Variants in ZFP64 observed in about 807,000 individuals in gnomAD.
The protein encoded by ZFP64 is zinc finger protein 64.
ZFP64 carries 14 observed loss-of-function variants against 51.6 expected under a neutral mutation model. The ratio of observed to expected loss-of-function variants is 0.27; its 90% confidence interval spans 0.18 to 0.42. The LOEUF (loss-of-function observed/expected upper bound fraction) is 0.42. Ranked by LOEUF, ZFP64 falls within the 10% of genes least tolerant of loss-of-function variation. ZFP64 has a pLI of 1.00. For missense variants in ZFP64, 754 were observed against 906.8 expected, an observed-to-expected ratio of 0.83 and a Z score of 2.16; for synonymous variants, 375 against 361.4, an observed-to-expected ratio of 1.04 and a Z score of -0.43.
intron 5 of ZFP64, among the ~76,000 whole-genome samples, chr20:52,131,375 A>G (rs1979715856): frequency 6.6e-6 from 1 of 152,226 alleles, no homozygotes; most frequent in Non-Finnish European, 1.5e-5. Context: ...TTACTTAACA[A>G]TAATATAACA....
chr20:52,123,901 G>A (rs1003337841), intron 5 of ZFP64, among the ~76,000 whole-genome samples: 1 of 151,842 alleles, frequency 6.6e-6, no homozygotes, highest in African/African-American at 2.4e-5. Flanking sequence ...GCAGAGTGTC[G>A]CTCTGTCACC....
chr20:52,166,190 G>A (rs1414893380), intron 2 of ZFP64, among the ~76,000 whole-genome samples, 165 bp from the exon 3 acceptor site: 1 of 148,908 alleles, frequency 6.7e-6, no homozygotes, highest in African/African-American at 2.5e-5. Context: ...TGAGACACTA[G>A]AGAGCATCCG....
chr20:52,127,809 T>G (rs1979519550), intron 5 of ZFP64, among the ~76,000 whole-genome samples: 2 of 152,224 alleles, frequency 1.3e-5, no homozygotes, highest in East Asian at 3.8e-4. Flanking sequence ...AACGTGATTT[T>G]CACTTATCCA....
At chr20:52,144,785 C>T (rs1481187440) in intron 5 of ZFP64, among the ~76,000 whole-genome samples, 2 of 151,482 alleles carry the variant, frequency 1.3e-5, no homozygotes, top group East Asian at 1.9e-4. Flanking sequence ...AGGTGGTGGA[C>T]CCCCAAATGC....
intron 2 of ZFP64, among the ~76,000 whole-genome samples, chr20:52,173,518 T>C (rs766046899): frequency 3.9e-4 from 60 of 152,258 alleles, no homozygotes; most frequent in Non-Finnish European, 7.6e-4. Context: ...AGCTCAGGAG[T>C]TCCAGGCTGC....
chr20:52,157,652 G>A (rs113962101), intron 5 of ZFP64, among the ~76,000 whole-genome samples: 11 of 152,076 alleles, frequency 7.2e-5, no homozygotes, highest in South Asian at 2.1e-4. Flanking sequence ...AATGCCTCCC[G>A]TTCTTCTATA....
chr20:52,171,015 T>C (rs895860874), intron 2 of ZFP64, among the ~76,000 whole-genome samples: 2 of 152,212 alleles, frequency 1.3e-5, no homozygotes, highest in Non-Finnish European at 1.5e-5. Flanking sequence ...AAGGTAACAT[T>C]TGAATATAAA....
intron 7 of ZFP64, among the ~76,000 whole-genome samples, chr20:52,092,624 C>T (rs1334133316): frequency 1.5e-4 from 23 of 152,166 alleles, no homozygotes; most frequent in Admixed American, 1.4e-3. Context: ...CCAAGGCAGG[C>T]GGATCCGCCT....
At chr20:52,098,189 A>AAG (rs1555879021) in intron 6 of ZFP64, among the ~76,000 whole-genome samples, 2 of 150,966 alleles carry the variant, frequency 1.3e-5, no homozygotes, top group Non-Finnish European at 3.0e-5. Flanking sequence ...AAAAAAAAAA[A>AAG]GAGTCCATAT....
intron 2 of ZFP64, among the ~76,000 whole-genome samples, chr20:52,172,204 G>GGT (rs368946687): frequency 5.3e-5 from 8 of 150,136 alleles, no homozygotes; most frequent in Admixed American, 2.7e-4. Flanking sequence ...TGTGTGTGTT[G>GGT]GTGTGTGTGT....
chr20:52,111,131 C>A (rs530094741), intron 5 of ZFP64: 6 of 757,256 alleles, frequency 7.9e-6, no homozygotes, highest in South Asian at 7.4e-5. Flanking sequence ...GCGGCAGCCA[C>A]ATCGCCGGGT....
At chr20:52,105,490 C>G in intron 5 of ZFP64, 1 of 522,014 alleles carries the variant, frequency 1.9e-6, no homozygotes. Flanking sequence ...GAAATGCAGA[C>G]TCTCGGGCTC....
chr20:52,176,505 C>CTTTTTTTTTTTT (rs557663780), intron 2 of ZFP64, among the ~76,000 whole-genome samples: 1,482 of 136,282 alleles, frequency 0.011, 39 homozygotes, highest in African/African-American at 0.014. Context: ...TTCAATCTCT[C>CTTTTTTTTTTTT]TTTTTTTTTT....
intron 5 of ZFP64, among the ~76,000 whole-genome samples, chr20:52,102,084 C>G (rs1042433556): frequency 6.7e-5 from 8 of 119,070 alleles, no homozygotes; most frequent in African/African-American, 2.5e-4. Flanking sequence ...TGCACTCCAG[C>G]CTGGTGAGAG....
intron 2 of ZFP64, among the ~76,000 whole-genome samples, chr20:52,180,930 T>C (rs1340663584): frequency 6.6e-6 from 1 of 152,148 alleles, no homozygotes; most frequent in Non-Finnish European, 1.5e-5. Context: ...TATTTTTTTA[T>C]TTTTATTTAT....
chr20:52,153,728 T>C lies in ZFP64; in HGVS notation c.764-300A>G, dbSNP rs988481492. Among the ~76,000 whole-genome samples the C allele has an allele frequency of 6.6e-6, 1 of 152,226 alleles. No homozygotes were observed. The highest frequency in any genetic ancestry group is 1.5e-5 in the Non-Finnish European group (1 of 68,042). ...ATACTTGTTATATTCTTTAAAACACTCAAACTATCTTTCATACAGTTAATT... is the reference window on the plus strand; with the variant it reads ...ATACTTGTTATATTCTTTAAAACACCCAAACTATCTTTCATACAGTTAATT... On this transcript the variant is annotated intron_variant, in intron 5 of 5. Coordinates refer to ENST00000216923, the MANE Select transcript of ZFP64 (RefSeq NM_018197.3). The surrounding 1 kb of genome is among the most constrained non-coding windows in gnomAD (Gnocchi z 5.1).
chr20:52,086,405 C>T (rs1203238567), intron 8 of ZFP64, among the ~76,000 whole-genome samples: 1 of 151,836 alleles, frequency 6.6e-6, no homozygotes, highest in Non-Finnish European at 1.5e-5. Context: ...CTTGATTAGA[C>T]TGTGTTTCTT....
downstream of ZFP64, among the ~76,000 whole-genome samples, chr20:52,148,785 G>A (rs1388721806): frequency 6.6e-6 from 1 of 152,040 alleles, no homozygotes; most frequent in African/African-American, 2.4e-5. Context: ...AACACTAAAG[G>A]GAAAACCAGT....
chr20:52,171,775 T>A (rs1326260789), intron 2 of ZFP64, among the ~76,000 whole-genome samples: 3 of 144,076 alleles, frequency 2.1e-5, no homozygotes, highest in South Asian at 2.2e-4. Flanking sequence ...TGAGATGCAG[T>A]CTCGCTCTGT....
Sources: gnomAD v4.1 joint callset for allele counts (sites outside exome capture counted in the v4.1 genomes callset) on GRCh38, gnomAD v4.1.1 for gene constraint, Gnocchi (gnomAD v3.1) non-coding constraint, MANE v1.5 for transcripts, NCBI Gene and HGNC (gene_info 2026-07-23, HGNC 2026-07-21) for gene names.